The following FBXL17 variants were observed in gnomAD, a reference collection of about 807,000 sequenced individuals.
The protein encoded by FBXL17 is F-box and leucine rich repeat protein 17, also known as F-box/LRR-repeat protein 17.
In FBXL17, 22 loss-of-function variants were observed where a neutral mutation model predicts 66.2. That is an observed-to-expected ratio of 0.33 (90% confidence interval 0.24 to 0.47). The LOEUF is 0.47. Ranked by LOEUF, FBXL17 falls within the 20% of genes least tolerant of loss-of-function variation. The pLI is 1.00. For synonymous variants in FBXL17, 474 were observed against 400.5 expected (o/e 1.18, Z -2.19); for missense variants, 878 against 948.2 (o/e 0.93, Z 0.97).
At chr5:107,892,864 A>C (rs541294679) in intron 7 of FBXL17, among the ~76,000 whole-genome samples, 1 of 152,218 alleles carries the variant, frequency 6.6e-6, no homozygotes, top group Non-Finnish European at 1.5e-5. Context: ...CAAAGGAAAC[A>C]AAAACATGAA....
At chr5:108,010,109 C>T (rs963263932) in intron 7 of FBXL17, among the ~76,000 whole-genome samples, 1 of 152,152 alleles carries the variant, frequency 6.6e-6, no homozygotes. Flanking sequence ...TACTGAGAGT[C>T]CAACAAGCAC....
At chr5:108,240,751 G>C (rs957348930) in intron 4 of FBXL17, among the ~76,000 whole-genome samples, 1 of 152,104 alleles carries the variant, frequency 6.6e-6, no homozygotes, top group Non-Finnish European at 1.5e-5. Context: ...GCAGCCCCTG[G>C]GCAAGACCCA....
At chr5:108,372,343 A>C (rs1055942306) in intron 1 of FBXL17, among the ~76,000 whole-genome samples, 9 of 152,214 alleles carry the variant, frequency 5.9e-5, no homozygotes, top group African/African-American at 2.2e-4. Flanking sequence ...GAAGGAAAAG[A>C]GAGTGAAAGA....
intron 3 of FBXL17, among the ~76,000 whole-genome samples, chr5:108,360,715 T>A (rs1219629445): frequency 6.6e-6 from 1 of 152,114 alleles, no homozygotes; most frequent in Admixed American, 6.6e-5. Context: ...ATTAGCAAAA[T>A]GTGAATGTTT....
intron 7 of FBXL17, among the ~76,000 whole-genome samples, chr5:107,891,810 C>T (rs1415395599): frequency 6.6e-6 from 1 of 152,124 alleles, no homozygotes; most frequent in African/African-American, 2.4e-5. Flanking sequence ...GCAAAGACCA[C>T]TCTTATTAAT....
chr5:108,135,553 G>A (rs1337756235), intron 6 of FBXL17, among the ~76,000 whole-genome samples: 1 of 152,086 alleles, frequency 6.6e-6, no homozygotes, highest in Non-Finnish European at 1.5e-5. Flanking sequence ...AGATTTTTGT[G>A]TCTATCTTGC....
At chr5:108,368,512 A>G (rs1330095702) in intron 1 of FBXL17, among the ~76,000 whole-genome samples, 1 of 152,138 alleles carries the variant, frequency 6.6e-6, no homozygotes, top group East Asian at 1.9e-4. Flanking sequence ...TAAATGTGGG[A>G]CATTCTACAA....
At chr5:108,107,014 T>A (rs80079639) in intron 6 of FBXL17, among the ~76,000 whole-genome samples, 1 of 151,982 alleles carries the variant, frequency 6.6e-6, no homozygotes, top group Admixed American at 6.6e-5. Context: ...ACAAGAAAAA[T>A]GGAAAATATT....
At chr5:107,999,129 A>G (rs1377320226) in intron 7 of FBXL17, among the ~76,000 whole-genome samples, 1 of 152,222 alleles carries the variant, frequency 6.6e-6, no homozygotes, top group Non-Finnish European at 1.5e-5. Flanking sequence ...GAATATCATC[A>G]TATATTCCAC....
intron 7 of FBXL17, among the ~76,000 whole-genome samples, chr5:107,903,353 T>C (rs540856824): frequency 3.3e-5 from 5 of 152,324 alleles, no homozygotes; most frequent in African/African-American, 1.2e-4. Flanking sequence ...AATGTATTTA[T>C]TGAGCATTTT....
At chr5:108,219,219 C>T (rs1754741355) in intron 5 of FBXL17, among the ~76,000 whole-genome samples, 1 of 152,104 alleles carries the variant, frequency 6.6e-6, no homozygotes, top group Admixed American at 6.6e-5. Flanking sequence ...TGGCAAAATT[C>T]AACAGTGAAG....
intron 4 of FBXL17, among the ~76,000 whole-genome samples, chr5:108,274,134 A>G (rs1032703421): frequency 5.9e-5 from 9 of 152,238 alleles, no homozygotes; most frequent in Non-Finnish European, 1.3e-4. Flanking sequence ...CATTGATAAC[A>G]TCTTATCAGG....
intron 4 of FBXL17, among the ~76,000 whole-genome samples, chr5:108,330,215 C>T (rs1760058391): frequency 6.6e-6 from 1 of 152,138 alleles, no homozygotes; most frequent in Non-Finnish European, 1.5e-5. Context: ...AATAATGTCA[C>T]ACCACTATCA....
At chr5:108,113,822 C>A (rs1469255574) in intron 6 of FBXL17, among the ~76,000 whole-genome samples, 1 of 151,968 alleles carries the variant, frequency 6.6e-6, no homozygotes, top group Non-Finnish European at 1.5e-5. Flanking sequence ...TGACATAATC[C>A]CTAAACACTA....
At chr5:108,196,050 T>A (rs948685945) in intron 5 of FBXL17, among the ~76,000 whole-genome samples, 5 of 152,040 alleles carry the variant, frequency 3.3e-5, no homozygotes, top group Non-Finnish European at 7.4e-5. Flanking sequence ...AATATATAAT[T>A]GTATTAATTA....
chr5:108,143,481 C>T (rs1271679598), intron 6 of FBXL17, among the ~76,000 whole-genome samples: 1 of 152,046 alleles, frequency 6.6e-6, no homozygotes, highest in Non-Finnish European at 1.5e-5. Context: ...TTTTCTACAA[C>T]AGATGTTTGG....
intron 6 of FBXL17, among the ~76,000 whole-genome samples, chr5:108,088,684 G>A (rs1450384984): frequency 1.7e-5 from 2 of 114,934 alleles, no homozygotes; most frequent in African/African-American, 7.3e-5. Context: ...CTGGCCGACA[G>A]AGCGAGACTC....
intron 6 of FBXL17, among the ~76,000 whole-genome samples, chr5:108,167,745 G>T (rs1025335853): frequency 2.0e-5 from 3 of 151,844 alleles, no homozygotes; most frequent in Non-Finnish European, 4.4e-5. Flanking sequence ...AACAATAAAA[G>T]AAAATATTCT....
At chr5:108,339,623 A>G (rs1267126845) in intron 4 of FBXL17, among the ~76,000 whole-genome samples, 1 of 152,150 alleles carries the variant, frequency 6.6e-6, no homozygotes, top group African/African-American at 2.4e-5. Context: ...TATGTGGGGA[A>G]AAAAGCACTA....
Sources: gnomAD v4.1 joint callset for allele counts (sites outside exome capture counted in the v4.1 genomes callset) on GRCh38, gnomAD v4.1.1 for gene constraint, MANE v1.5 for transcripts, NCBI Gene and HGNC (gene_info 2026-07-23, HGNC 2026-07-21) for gene names.